The following OLFM2 variants were observed in gnomAD, a reference collection of about 807,000 sequenced individuals.
OLFM2 encodes noelin-2.
In OLFM2, 20 loss-of-function variants were observed where a neutral mutation model predicts 43.9. The observed-to-expected ratio is 0.46, with a 90% CI of 0.32 to 0.66. The LOEUF is 0.66. Ranked by LOEUF, OLFM2 falls within the 30% of genes least tolerant of loss-of-function variation. The pLI, the probability that OLFM2 is intolerant of heterozygous loss-of-function variation, is 0.04. For synonymous variants in OLFM2, 268 were observed against 278.6 expected, an observed-to-expected ratio of 0.96 and a Z score of 0.38; for missense variants, 416 against 643.6, an observed-to-expected ratio of 0.65 and a Z score of 3.83.
chr19:9,855,024 A>G (rs1343186463), intron 5 of OLFM2, among the ~76,000 whole-genome samples, 161 bp from the exon 6 acceptor site: 1 of 152,084 alleles, frequency 6.6e-6, no homozygotes, highest in Non-Finnish European at 1.5e-5. Context: ...TGTGACCATG[A>G]TCATCTCCTG....
At position 9,854,136 on chromosome 19, in the gene OLFM2, C is replaced by A. The variant is rs370898885; in HGVS notation, c.*50G>T. On this transcript the variant is annotated 3_prime_UTR_variant, in exon 6 of 6. Coordinates refer to ENST00000264833, the MANE Select transcript of OLFM2 (RefSeq NM_058164.4). This position sits in a 1 kb window ranked among gnomAD's most constrained non-coding sequence, Gnocchi z 9.5. ...GGGACACAGGCAGAATGAAAAGGGC[C>A]CCCAGCCCCCAGAGGCCCCCCAGGC... 3 of 1,566,870 alleles carry A rather than the reference C, an allele frequency of 1.9e-6. No individual in the cohort carries two copies. The highest frequency in any genetic ancestry group is 2.6e-6 in the Non-Finnish European group (3 of 1,140,794).
chr19:9,906,198 G>A (rs112095791), intron 1 of OLFM2, among the ~76,000 whole-genome samples: 28 of 152,082 alleles, frequency 1.8e-4, no homozygotes, highest in Non-Finnish European at 2.9e-4. Flanking sequence ...ATGGGGCGGC[G>A]GGGAGAAGGC....
intron 1 of OLFM2, among the ~76,000 whole-genome samples, chr19:9,891,941 A>G (rs1016405291): frequency 6.6e-6 from 1 of 152,178 alleles, no homozygotes; most frequent in Non-Finnish European, 1.5e-5. Flanking sequence ...ATGAATGTAT[A>G]AAACAGGATG....
At chr19:9,924,215 C>CCTGG (rs369063987) in intron 1 of OLFM2, among the ~76,000 whole-genome samples, 25,695 of 149,296 alleles carry the variant, frequency 0.17, 6,534 homozygotes, top group African/African-American at 0.56. Flanking sequence ...TCGAGACCAT[C>CCTGG]CTAACACGGT....
intron 1 of OLFM2, among the ~76,000 whole-genome samples, chr19:9,906,400 G>A (rs2046786262): frequency 6.6e-6 from 1 of 152,024 alleles, no homozygotes; most frequent in Non-Finnish European, 1.5e-5. Flanking sequence ...CATTCCATCC[G>A]TTTCCTGGGA....
intron 1 of OLFM2, among the ~76,000 whole-genome samples, chr19:9,917,750 C>A (rs2086393669): frequency 9.9e-6 from 1 of 100,788 alleles, no homozygotes; most frequent in African/African-American, 4.0e-5. Flanking sequence ...CTCTCTGAAA[C>A]ACGTAGTTTG....
At chr19:9,899,621 T>C (rs1442065209) in intron 1 of OLFM2, among the ~76,000 whole-genome samples, 1 of 152,104 alleles carries the variant, frequency 6.6e-6, no homozygotes, top group Non-Finnish European at 1.5e-5. Context: ...GGTGTAACCA[T>C]GGCTCACTGC....
intron 1 of OLFM2, among the ~76,000 whole-genome samples, chr19:9,871,446 T>A (rs1260924025): frequency 4.8e-5 from 7 of 146,118 alleles, no homozygotes; most frequent in Admixed American, 4.8e-4. Context: ...GCTGGTGTGC[T>A]ACTATGATCC....
chr19:9,865,552 C>T (rs377582546), intron 1 of OLFM2, among the ~76,000 whole-genome samples: 10 of 121,252 alleles, frequency 8.2e-5, no homozygotes, highest in African/African-American at 2.9e-4. Context: ...AGTGCAATGG[C>T]GGGATCTCGG....
At chr19:9,914,299 C>A (rs1362176146) in intron 1 of OLFM2, among the ~76,000 whole-genome samples, 1 of 151,980 alleles carries the variant, frequency 6.6e-6, no homozygotes, top group Non-Finnish European at 1.5e-5. Context: ...CATTGGGGGG[C>A]GTGGGGGGGC....
intron 1 of OLFM2, among the ~76,000 whole-genome samples, chr19:9,922,673 T>A (rs570157115): frequency 6.6e-6 from 1 of 152,172 alleles, no homozygotes; most frequent in South Asian, 2.1e-4. Flanking sequence ...ATCCCAGTAC[T>A]TTGGGAGGCC....
At chr19:9,897,707 T>G (rs2046698712) in intron 1 of OLFM2, among the ~76,000 whole-genome samples, 1 of 151,844 alleles carries the variant, frequency 6.6e-6, no homozygotes, top group Non-Finnish European at 1.5e-5. Context: ...GAATAATAAT[T>G]CAGCAGAAGC....
At chr19:9,885,902 G>A (rs62104262) in intron 1 of OLFM2, among the ~76,000 whole-genome samples, 38,707 of 151,788 alleles carry the variant, frequency 0.26, 5,232 homozygotes, top group South Asian at 0.3. Flanking sequence ...TTTAAGACCA[G>A]GCTAGGCAAC....
chr19:9,914,765 C>G (rs1213092215), intron 1 of OLFM2, among the ~76,000 whole-genome samples: 1 of 152,058 alleles, frequency 6.6e-6, no homozygotes, highest in Non-Finnish European at 1.5e-5. Context: ...GCCGCTGGGC[C>G]GCGGAGAGGA....
chr19:9,925,863 G>A lies in OLFM2; in HGVS notation c.63+10441C>T, dbSNP rs377216349. On this transcript the variant is annotated intron_variant, in intron 1 of 5. Transcript: ENST00000264833. ...AGGTGAAAACAACCAGGCCGGGCGC[G>A]GTGGCTCACACCTGTAATCCTAGCA... Among the ~76,000 whole-genome samples the A allele has an allele frequency of 7.6e-4, 115 of 151,796 alleles. 5 individuals carry two copies. In the South Asian group the frequency reaches 0.023, roughly 30 times the overall value.
intron 1 of OLFM2, among the ~76,000 whole-genome samples, chr19:9,872,977 C>A (rs2046455824): frequency 6.6e-6 from 1 of 152,070 alleles, no homozygotes; most frequent in African/African-American, 2.4e-5. Flanking sequence ...AGTTGCTTTA[C>A]AAATATTACC....
intron 1 of OLFM2, among the ~76,000 whole-genome samples, chr19:9,921,530 C>T (rs1442914652): frequency 3.3e-5 from 5 of 151,750 alleles, no homozygotes; most frequent in Non-Finnish European, 7.4e-5. Context: ...ACTCTGTCAC[C>T]GAGGCTGGAG....
rs1179000938 is a variant in OLFM2, at chr19:9,854,288, AT to A, written c.1262del (p.Asp421ValfsTer63). 1 of 1,614,090 alleles carries A rather than the reference AT, an allele frequency of 6.2e-7. No individual in the cohort carries two copies. The highest frequency in any genetic ancestry group is 8.5e-7 in the Non-Finnish European group (1 of 1,180,016). On this transcript the variant is annotated frameshift_variant, in exon 6 of 6. Coordinates refer to ENST00000264833, the MANE Select transcript of OLFM2 (RefSeq NM_058164.4). LOFTEE classifies it high-confidence loss of function. This position sits in a 1 kb window ranked among gnomAD's most constrained non-coding sequence, Gnocchi z 9.5. Reference protein sequence around the residue: ...HNQYSHISMLDYNPRERALYT... With the variant: ...HNQYSHISMLXYNPRERALYT... ...AGAGGGCGCGCTCCCGGGGGTTGTA[AT>A]CCAGCATCGAGATGTGGGAATACTG...
chr19:9,857,588 C>G lies in OLFM2; in HGVS notation c.361-106G>C. The G allele has an allele frequency of 6.4e-7, 1 of 1,557,302 alleles. No individual in the cohort carries two copies. On this transcript the variant is annotated intron_variant, in intron 3 of 5. Coordinates refer to ENST00000264833, the MANE Select transcript of OLFM2 (RefSeq NM_058164.4). This position sits in a 1 kb window ranked among gnomAD's most constrained non-coding sequence, Gnocchi z 5.7. ...TTCACCCTTTGTCTTTGATGCACAC[C>G]TGGCCCTTGACATGTGGCTCATATT...
Sources: allele counts gnomAD v4.1 joint callset (sites outside exome capture counted in the v4.1 genomes callset), GRCh38; gene constraint gnomAD v4.1.1; non-coding constraint Gnocchi (gnomAD v3.1); transcripts MANE v1.5; gene names NCBI Gene and HGNC (gene_info 2026-07-23, HGNC 2026-07-21).